The following SH2D4A variants were observed in gnomAD, a reference collection of about 807,000 sequenced individuals.
The protein encoded by SH2D4A is SH2 domain containing 4A.
In SH2D4A, 70 loss-of-function variants were observed where a neutral mutation model predicts 64.7. That is an observed-to-expected ratio of 1.08 (90% CI 0.89 to 1.32). The LOEUF is 1.32. Ranked by LOEUF, SH2D4A falls within the 40% of genes most tolerant of loss-of-function variation. SH2D4A has a pLI of 0.00. For missense variants in SH2D4A, 706 were observed against 540.1 expected (o/e 1.31, Z -3.04); for synonymous variants, 268 against 200.7 (o/e 1.34, Z -2.83).
chr8:19,367,409 T>C (rs1179712929), intron 7 of SH2D4A, among the ~76,000 whole-genome samples: 1 of 152,204 alleles, frequency 6.6e-6, no homozygotes, highest in East Asian at 1.9e-4. Flanking sequence ...CCAGCATTTG[T>C]TTTTGGTTTG....
At chr8:19,372,149 T>G (rs2053112539) in intron 7 of SH2D4A, among the ~76,000 whole-genome samples, 1 of 152,214 alleles carries the variant, frequency 6.6e-6, no homozygotes, top group Non-Finnish European at 1.5e-5. Context: ...CTCCACAGCC[T>G]GGCTTTATTT....
At chr8:19,388,211 G>C (rs549798633) in intron 8 of SH2D4A, among the ~76,000 whole-genome samples, 4 of 152,202 alleles carry the variant, frequency 2.6e-5, no homozygotes, top group Non-Finnish European at 5.9e-5. Flanking sequence ...CAGAATAAGA[G>C]ACAAGAGCCC....
At chr8:19,361,730 A>G (rs2052892064) in intron 6 of SH2D4A, among the ~76,000 whole-genome samples, 1 of 152,064 alleles carries the variant, frequency 6.6e-6, no homozygotes, top group Non-Finnish European at 1.5e-5. Flanking sequence ...ACATGTAAAC[A>G]TTAGTTTTCT....
rs567882501 is a variant in SH2D4A, at chr8:19,341,609, G to T, written c.513+6752G>T. ...TGTAATGCCTGCACTTTGGGAGGCC[G>T]AGGCAGATGGATCACTTGAAGCCAG... On this transcript the variant is annotated intron_variant, in intron 4 of 9. Coordinates refer to ENST00000265807, the MANE Select transcript of SH2D4A (RefSeq NM_022071.4). 2.5e-3 allele frequency among the ~76,000 whole-genome samples: 384 copies of T among 152,202 alleles called. 4 individuals are homozygous for T. The highest frequency in any genetic ancestry group is 8.6e-3 in the African/African-American group (359 of 41,524).
intron 8 of SH2D4A, 111 bp from the exon 9 acceptor site, chr8:19,393,207 T>C (rs147944775): frequency 0.013 from 12,360 of 920,660 alleles, 145 homozygotes; most frequent in Non-Finnish European, 0.016. Context: ...ATTGCTCTTA[T>C]TGTGTCTTAT....
chr8:19,369,934 ATATGTG>A, intron 7 of SH2D4A, among the ~76,000 whole-genome samples: 1 of 152,006 alleles, frequency 6.6e-6, no homozygotes, highest in South Asian at 2.1e-4. Context: ...TACTTTTTTG[ATATGTG>A]TGTTTATTGG....
At chr8:19,363,098 G>T (rs1000591265) in intron 6 of SH2D4A, among the ~76,000 whole-genome samples, 2 of 151,542 alleles carry the variant, frequency 1.3e-5, no homozygotes, top group Non-Finnish European at 2.9e-5. Flanking sequence ...TTTTTGAGAT[G>T]GAGTTTCGCT....
chr8:19,377,411 G>A (rs1432209748), intron 8 of SH2D4A, among the ~76,000 whole-genome samples: 1 of 152,098 alleles, frequency 6.6e-6, no homozygotes, highest in Non-Finnish European at 1.5e-5. Context: ...TAGAATTAAG[G>A]TCCCCTTTGT....
At chr8:19,335,282 C>T (rs554604645) in intron 4 of SH2D4A, among the ~76,000 whole-genome samples, 10 of 151,572 alleles carry the variant, frequency 6.6e-5, no homozygotes, top group South Asian at 2.1e-4. Flanking sequence ...GGCGACAGAG[C>T]GAGACTCCAT....
At chr8:19,325,437 A>G (rs1283160603) in intron 2 of SH2D4A, among the ~76,000 whole-genome samples, 1 of 152,152 alleles carries the variant, frequency 6.6e-6, no homozygotes, top group East Asian at 1.9e-4. Flanking sequence ...TAGGATTTGA[A>G]CTCAGATACA....
intron 4 of SH2D4A, among the ~76,000 whole-genome samples, chr8:19,350,082 T>A (rs1345239637): frequency 6.6e-6 from 1 of 152,268 alleles, no homozygotes; most frequent in Non-Finnish European, 1.5e-5. Flanking sequence ...CATGTTTTTT[T>A]AATCATGTTT....
intron 1 of SH2D4A, among the ~76,000 whole-genome samples, chr8:19,314,429 C>T (rs996582030): frequency 2.0e-5 from 3 of 152,152 alleles, no homozygotes; most frequent in Admixed American, 2.0e-4. Flanking sequence ...GCCAGTGCAG[C>T]GCCGCCTCCC....
chr8:19,358,297 A>C (rs2052825854), intron 5 of SH2D4A, among the ~76,000 whole-genome samples: 1 of 152,174 alleles, frequency 6.6e-6, no homozygotes, highest in African/African-American at 2.4e-5. Flanking sequence ...TTTATGAAAA[A>C]ATCAGACAAA....
At chr8:19,341,726 C>A (rs992274867) in intron 4 of SH2D4A, among the ~76,000 whole-genome samples, 1 of 151,810 alleles carries the variant, frequency 6.6e-6, no homozygotes, top group African/African-American at 2.4e-5. Flanking sequence ...ACCTGTAGTC[C>A]CAGCTGCTTG....
At chr8:19,364,668 C>T (rs2052959532) in intron 7 of SH2D4A, among the ~76,000 whole-genome samples, 2 of 151,872 alleles carry the variant, frequency 1.3e-5, no homozygotes, top group African/African-American at 4.8e-5. Context: ...CCCAAGATCA[C>T]CCTTAGTCAA....
intron 4 of SH2D4A, among the ~76,000 whole-genome samples, chr8:19,339,562 C>T (rs944430380): frequency 6.2e-5 from 9 of 144,652 alleles, no homozygotes; most frequent in South Asian, 2.2e-4. Flanking sequence ...TGCAGTGGTG[C>T]AATCATAGCT....
At chr8:19,345,296 GA>G (rs1160239259) in intron 4 of SH2D4A, among the ~76,000 whole-genome samples, 3 of 152,172 alleles carry the variant, frequency 2.0e-5, no homozygotes, top group African/African-American at 7.2e-5. Flanking sequence ...TCTGTTTGCT[GA>G]GGTGACTTCT....
chr8:19,394,197 C>T (rs753660062), intron 9 of SH2D4A, among the ~76,000 whole-genome samples: 7 of 152,028 alleles, frequency 4.6e-5, no homozygotes, highest in Admixed American at 6.6e-5. Context: ...AGAGCTCAGG[C>T]GATAATGTGA....
At chr8:19,371,147 A>G (rs1162053661) in intron 7 of SH2D4A, among the ~76,000 whole-genome samples, 5 of 152,082 alleles carry the variant, frequency 3.3e-5, no homozygotes, top group Non-Finnish European at 5.9e-5. Context: ...TCTTTATATT[A>G]AAGATATAAG....
Sources: gnomAD v4.1 joint callset for allele counts (sites outside exome capture counted in the v4.1 genomes callset) on GRCh38, gnomAD v4.1.1 for gene constraint, MANE v1.5 for transcripts, NCBI Gene and HGNC (gene_info 2026-07-23, HGNC 2026-07-21) for gene names.